Variants in BARX1 observed in about 807,000 individuals in gnomAD.
BARX1 encodes BARX homeobox 1.
Under a neutral mutation model 19.6 loss-of-function variants are expected in BARX1, and 10 were observed. That is an observed-to-expected ratio of 0.51 (90% CI 0.31 to 0.86). The LOEUF is 0.86. Among genes scored for constraint, BARX1 ranks in the 40% least tolerant of loss-of-function variants. The pLI, the probability that BARX1 is intolerant of heterozygous loss-of-function variation, is 0.04. For missense variants in BARX1, 309 were observed against 360.4 expected (o/e 0.86, Z 1.15); for synonymous variants, 177 against 170.0 (o/e 1.04, Z -0.32).
In BARX1 at chr9:93,952,112, G is replaced by A. The variant is rs1052810609; in HGVS notation, c.*52C>T. On this transcript the variant is annotated 3_prime_UTR_variant, in exon 4 of 4. Transcript: ENST00000253968. The stretch of plus-strand genomic sequence containing the variant: ...GCCGGCTCGCGGGTTTCCGCCGAGT[G>A]AGGGGGCTGCGGGTGGCGCGGGCAT... 1.3e-6 allele frequency: 2 copies of A among 1,573,704 alleles called. No individual in the cohort carries two copies. The highest frequency in any genetic ancestry group is 2.7e-5 in the African/African-American group (2 of 73,868).
At position 93,954,934 on chromosome 9, in the gene BARX1, G is replaced by A; in HGVS notation, c.213C>T (p.His71=). 1 of 1,342,430 alleles carries A rather than the reference G, an allele frequency of 7.4e-7. No homozygotes were observed. 83.2% of individuals were successfully genotyped at this position (1,342,430 alleles called of 1,614,324 possible). Residue 71 remains histidine (H), a synonymous_variant, in exon 1 of 4, where the codon CAC becomes CAT. Coordinates refer to ENST00000253968, the MANE Select transcript of BARX1 (RefSeq NM_021570.4). ...VQALLAARPF[H]SHLAVLKAEQ... ...GGCCGCCACACGTACCCAGGTGGCT[G>A]TGGAAGGGCCGCGCCGCCAGCAGCG...
chr9:93,951,798 G>T lies in BARX1; in HGVS notation c.*366C>A. On this transcript the variant is annotated 3_prime_UTR_variant, in exon 4 of 4. Coordinates refer to ENST00000253968, the MANE Select transcript of BARX1 (RefSeq NM_021570.4). The stretch of plus-strand genomic sequence containing the variant: ...CGCTGGGTCCCCGACGTCCAGAAGC[G>T]GGTGTGTGCCTGGAGGCTCCCCGGC... 1 of 205,266 alleles carries T rather than the reference G, an allele frequency of 4.9e-6. No homozygotes were observed. The highest frequency in any genetic ancestry group is 9.8e-6 in the Non-Finnish European group (1 of 101,748). 12.7% of individuals were successfully genotyped at this position (205,266 alleles called of 1,614,324 possible).
chr9:93,952,123 G>C lies in BARX1; in HGVS notation c.*41C>G. The C allele has an allele frequency of 6.3e-7, 1 of 1,585,426 alleles. No individual in the cohort carries two copies. Among genetic ancestry groups the C allele is most frequent in the African/African-American group, 1.3e-5 (1 of 74,480 alleles). On this transcript the variant is annotated 3_prime_UTR_variant, in exon 4 of 4. Coordinates refer to ENST00000253968, the MANE Select transcript of BARX1 (RefSeq NM_021570.4). ...GGTTTCCGCCGAGTGAGGGGGCTGC[G>C]GGTGGCGCGGGCATCCCAGGCCCCG...
rs1403090266 is a variant in BARX1, at chr9:93,953,071, C to T, written c.340G>A (p.Ala114Thr). The T allele has an allele frequency of 6.4e-7, 1 of 1,557,504 alleles. No homozygotes were observed. Among genetic ancestry groups the T allele is most frequent in the East Asian group, 2.4e-5 (1 of 41,168 alleles). Residue 114 changes from alanine to threonine, a missense_variant, in exon 2 of 4, where the codon GCG (alanine) becomes ACG (threonine). Physicochemically the swap from Ala to Thr is moderately conservative, Grantham distance 58. This residue lies in a region of BARX1 where 204 missense variants were observed against 206.8 expected (regional missense o/e 0.99). Transcript: ENST00000253968. ...TGCAACTCGAGCGGCAGGTGTGGCG[C>T]ACCCGCGGCGCCGGGCAGCCCGGGC... is the stretch of plus-strand genomic sequence containing the variant. The part of the protein sequence containing the change: ...AGPGLPGAAG[A>T]PHLPLELQLR...
chr9:93,954,723 G>A (rs1461122844), intron 1 of BARX1, among the ~76,000 whole-genome samples: 2 of 152,134 alleles, frequency 1.3e-5, no homozygotes, highest in Non-Finnish European at 2.9e-5. Flanking sequence ...CCGCGGGCAC[G>A]AGGCCTGGTT....
chr9:93,953,476 C>A, intron 1 of BARX1: 1 of 442,874 alleles, frequency 2.3e-6, no homozygotes, highest in Non-Finnish European at 3.9e-6. Context: ...AACATGTTTG[C>A]AGCTGCGAGA....
At chr9:93,953,350 C>T (rs1829125136) in intron 1 of BARX1, 163 bp from the exon 2 acceptor site, 1 of 769,664 alleles carries the variant, frequency 1.3e-6, no homozygotes, top group South Asian at 2.1e-5. Context: ...GATGGAGACC[C>T]TCCTCAACGT....
chr9:93,952,265 T>G lies in BARX1; in HGVS notation c.664A>C (p.Ile222Leu), dbSNP rs145379597. ...TCAGTAAGCTGCTCGCTCGTTGGAATTGAGTTCTTCTTGGGCCGCCCCTTG... is the reference window on the plus strand; with the variant it reads ...TCAGTAAGCTGCTCGCTCGTTGGAAGTGAGTTCTTCTTGGGCCGCCCCTTG... ...KPKGRPKKNS[I>L]PTSEQLTEQE... Residue 222 changes from isoleucine to leucine, a missense_variant, in exon 4 of 4, where the codon ATT (isoleucine) becomes CTT (leucine). Physicochemically the swap from Ile to Leu is conservative, Grantham distance 5. Transcript: ENST00000253968. 4 of 1,612,494 alleles carry G rather than the reference T, an allele frequency of 2.5e-6. No individual in the cohort carries two copies. Among genetic ancestry groups the G allele is most frequent in the African/African-American group, 2.7e-5 (2 of 75,040 alleles).
rs1352616185 is a variant in BARX1 at position 93,951,843 on chromosome 9, C to T, written c.*321G>A. ...CCCGGCCGGGAGGGCAGGCCCCAGA[C>T]GGGGTGGGGGTGCAGGCGAGGAGCG... On this transcript the variant is annotated 3_prime_UTR_variant, in exon 4 of 4. Coordinates refer to ENST00000253968, the MANE Select transcript of BARX1 (RefSeq NM_021570.4). 1.4e-5 allele frequency: 4 copies of T among 282,380 alleles called. No homozygotes were observed. Among genetic ancestry groups the T allele is most frequent in the Non-Finnish European group, 2.7e-5 (4 of 149,388 alleles). 17.5% of individuals were successfully genotyped at this position (282,380 alleles called of 1,614,324 possible). A position where few individuals can be genotyped will look rare whatever the true frequency, so the allele number is the denominator to read the frequency against.
chr9:93,953,311 A>G, intron 1 of BARX1, 124 bp from the exon 2 acceptor site: 1 of 1,174,472 alleles, frequency 8.5e-7, no homozygotes, highest in Non-Finnish European at 1.1e-6. Flanking sequence ...CAAAACCTCC[A>G]CGCCCTGCCG....
Position 93,952,231 on chromosome 9 carries a change from C to A in BARX1, c.698G>T (p.Arg233Leu), listed in dbSNP as rs1378266524. The A allele has an allele frequency of 4.3e-6, 7 of 1,612,098 alleles. No homozygotes were observed. Among genetic ancestry groups the A allele is most frequent in the Non-Finnish European group, 5.9e-6 (7 of 1,179,930 alleles). ...CGCCGGTTTCTCTGCATCCTTGGCG[C>A]GCTCCTGCTCAGTAAGCTGCTCGCT... ...PTSEQLTEQE[R>L]AKDAEKPAEV... Residue 233 changes from arginine (R) to leucine (L), a missense_variant, in exon 4 of 4, where the codon CGC becomes CTC. This residue lies in a region of BARX1 where 71 missense variants were observed against 80.4 expected (regional missense o/e 0.88). Transcript: ENST00000253968.
At chr9:93,952,869 G>A (rs1391857126) in intron 2 of BARX1, 27 bp downstream of exon 2, 1 of 1,611,150 alleles carries the variant, frequency 6.2e-7, no homozygotes. Flanking sequence ...CCCACAGCCC[G>A]CTGGCCCCAG....
Position 93,955,222 on chromosome 9 carries a change from G to C in BARX1, c.-76C>G, listed in dbSNP as rs974525185. 3 of 696,114 alleles carry C rather than the reference G, an allele frequency of 4.3e-6. No homozygotes were observed. The African/African-American group carries it at 5.9e-5, about 14-fold the overall frequency. The allele number at this position is 696,114 out of a possible 1,614,324, so 43.1% of individuals were successfully genotyped here. A position where few individuals can be genotyped will look rare whatever the true frequency, so the allele number is the denominator to read the frequency against. Reference sequence around the variant, plus strand: ...TTGGCTCCGGCGCGGGGCCCGCGCGGGGCTCTAGGCCGGCCCGCAGCTCGG... The same window carrying C: ...TTGGCTCCGGCGCGGGGCCCGCGCGCGGCTCTAGGCCGGCCCGCAGCTCGG... On this transcript the variant is annotated 5_prime_UTR_variant, in exon 1 of 4. Transcript: ENST00000253968. The surrounding 1 kb of genome is among the most constrained non-coding windows in gnomAD (Gnocchi z 4.4).
rs1230245644 is a variant in BARX1 at position 93,955,340 on chromosome 9, T to G, written c.-194A>C. On this transcript the variant is annotated 5_prime_UTR_variant, in exon 1 of 4. Coordinates refer to ENST00000253968, the MANE Select transcript of BARX1 (RefSeq NM_021570.4). This position sits in a 1 kb window ranked among gnomAD's most constrained non-coding sequence, Gnocchi z 4.4. ...GGCGGGGCGCGCGGGGCTCGGCCGG[T>G]CGAACCCGGGACTGCGCCCCCTCCC... 3 of 138,102 alleles carry G rather than the reference T, an allele frequency of 2.2e-5. No individual in the cohort carries two copies. Among genetic ancestry groups the G allele is most frequent in the East Asian group, 2.5e-4 (1 of 3,946 alleles). The allele number at this position is 138,102 out of a possible 1,614,324, so 8.6% of individuals were successfully genotyped here.
At position 93,951,971 on chromosome 9, in the gene BARX1, G is replaced by T; in HGVS notation, c.*193C>A. The T allele has an allele frequency of 2.7e-6, 2 of 734,630 alleles. No homozygotes were observed. Among genetic ancestry groups the T allele is most frequent in the South Asian group, 1.9e-5 (1 of 52,738 alleles). 45.5% of individuals were successfully genotyped at this position (734,630 alleles called of 1,614,324 possible). ...GTCTCCCAGGTTAGAGCCCAGAAGCGCGCTGGGACCTGGGTCTGGCTTTTG... is the reference window on the plus strand; with the variant it reads ...GTCTCCCAGGTTAGAGCCCAGAAGCTCGCTGGGACCTGGGTCTGGCTTTTG... On this transcript the variant is annotated 3_prime_UTR_variant, in exon 4 of 4. Coordinates refer to ENST00000253968, the MANE Select transcript of BARX1 (RefSeq NM_021570.4).
In BARX1 at chr9:93,952,018, G is replaced by T; in HGVS notation, c.*146C>A. On this transcript the variant is annotated 3_prime_UTR_variant, in exon 4 of 4. Coordinates refer to ENST00000253968, the MANE Select transcript of BARX1 (RefSeq NM_021570.4). ...TTTGGGTCTGTGTCCTTCCTCGTTT[G>T]GCCCCAATTGTCCGCATTCAAGATC... is the stretch of plus-strand genomic sequence containing the variant. 1 of 1,119,062 alleles carries T rather than the reference G, an allele frequency of 8.9e-7. No individual in the cohort carries two copies. Among genetic ancestry groups the T allele is most frequent in the Non-Finnish European group, 1.2e-6 (1 of 805,910 alleles). The allele number at this position is 1,119,062 out of a possible 1,614,324, so 69.3% of individuals were successfully genotyped here.
rs1197744705 is a variant in BARX1 at position 93,952,105 on chromosome 9, G to A, written c.*59C>T. On this transcript the variant is annotated 3_prime_UTR_variant, in exon 4 of 4. Coordinates refer to ENST00000253968, the MANE Select transcript of BARX1 (RefSeq NM_021570.4). ...CGGAAGGGCCGGCTCGCGGGTTTCC[G>A]CCGAGTGAGGGGGCTGCGGGTGGCG... 6.4e-7 allele frequency: 1 copy of A among 1,558,378 alleles called. No homozygotes were observed.
At chr9:93,954,418 C>G (rs1216009254) in intron 1 of BARX1, among the ~76,000 whole-genome samples, 1 of 152,246 alleles carries the variant, frequency 6.6e-6, no homozygotes. Flanking sequence ...GGCCGCGTTC[C>G]TCGCCCGCTG....
At position 93,952,919 on chromosome 9, in the gene BARX1, C is replaced by T. The variant is rs142710643; in HGVS notation, c.492G>A (p.Gln164=). The change falls in exon 2 of 4, where the codon CAG becomes CAA. Residue 164 remains glutamine, a synonymous_variant. Coordinates refer to ENST00000253968, the MANE Select transcript of BARX1 (RefSeq NM_021570.4). ...LMGLEKRFEK[Q]KYLSTPDRID... ...ACCTGTCCGGCGTGGAAAGGTACTT[C>T]TGCTTCTCGAAGCGTTTCTCCAGGC... 29 of 1,588,770 alleles carry T rather than the reference C, an allele frequency of 1.8e-5. No individual in the cohort carries two copies. The African/African-American group carries it at 3.4e-4, about 18-fold the overall frequency.
Sources: allele counts gnomAD v4.1 joint callset (sites outside exome capture counted in the v4.1 genomes callset), GRCh38; gene constraint gnomAD v4.1.1; regional missense constraint gnomAD v4.1.1; non-coding constraint Gnocchi (gnomAD v3.1); transcripts MANE v1.5; gene names NCBI Gene and HGNC (gene_info 2026-07-23, HGNC 2026-07-21).